ATF7IP: variants seen among roughly 807,000 people sequenced by gnomAD.
ATF7IP encodes activating transcription factor 7 interacting protein.
ATF7IP carries 23 observed loss-of-function variants against 106.4 expected under a neutral mutation model. The ratio of observed to expected loss-of-function variants is 0.22; its 90% CI spans 0.16 to 0.31. The LOEUF is 0.31. Ranked by LOEUF, ATF7IP falls within the 10% of genes least tolerant of loss-of-function variation. The probability of loss-of-function intolerance (pLI) is 1.00; values close to 1 mark genes in which losing one functional copy is unlikely to be tolerated. For missense variants in ATF7IP, 1,334 were observed against 1,524.3 expected (o/e 0.88, Z 2.08); for synonymous variants, 542 against 539.0 (o/e 1.01, Z -0.08).
intron 13 of ATF7IP, among the ~76,000 whole-genome samples, chr12:14,484,495 A>G (rs1444012945): frequency 2.6e-5 from 4 of 152,242 alleles, no homozygotes; most frequent in South Asian, 4.1e-4. Context: ...GTGCACAACT[A>G]GGTGTGCTGC....
chr12:14,444,691 T>G (rs1448952672), intron 5 of ATF7IP, among the ~76,000 whole-genome samples: 1 of 152,198 alleles, frequency 6.6e-6, no homozygotes, highest in Non-Finnish European at 1.5e-5. Context: ...CAGAAAACTA[T>G]AAATCAGTGT....
intron 6 of ATF7IP, among the ~76,000 whole-genome samples, chr12:14,449,831 AGG>A (rs1386170581): frequency 7.9e-5 from 12 of 152,016 alleles, no homozygotes; most frequent in African/African-American, 2.9e-4. Flanking sequence ...CCATAAACAC[AGG>A]ATGTCTTTTC....
chr12:14,460,828 A>G lies in ATF7IP; in HGVS notation c.2492A>G (p.Asn831Ser), dbSNP rs1353204091. 6.2e-7 allele frequency: 1 copy of G among 1,614,194 alleles called. No individual in the cohort carries two copies. The highest frequency in any genetic ancestry group is 1.1e-5 in the South Asian group (1 of 91,080). ...SPPTVSGLTK[N>S]PVSLPSLPNP... ...CCTACAGTGAGTGGTCTTACCAAAAATCCAGTATCCTTGCCATCCTTGCCA... is the reference window on the plus strand; with the variant it reads ...CCTACAGTGAGTGGTCTTACCAAAAGTCCAGTATCCTTGCCATCCTTGCCA... Residue 831 changes from asparagine (N) to serine (S), a missense_variant, in exon 9 of 15, where the codon AAT (asparagine) becomes AGT (serine). Physicochemically the swap from Asn to Ser is conservative, Grantham distance 46. Transcript: ENST00000261168.
chr12:14,408,507 A>G (rs1487357366), intron 1 of ATF7IP: 1 of 152,168 alleles, frequency 6.6e-6, no homozygotes, highest in Admixed American at 6.5e-5. Context: ...GTTGCTGTGA[A>G]AGAACTGATA....
chr12:14,387,742 G>A (rs1488614541), intron 1 of ATF7IP, among the ~76,000 whole-genome samples: 5 of 152,138 alleles, frequency 3.3e-5, no homozygotes, highest in Non-Finnish European at 7.4e-5. Context: ...TCTGTTCCAA[G>A]TTCCAGTTAG....
At chr12:14,415,574 A>G (rs1349480015) in intron 1 of ATF7IP, among the ~76,000 whole-genome samples, 2 of 152,096 alleles carry the variant, frequency 1.3e-5, no homozygotes, top group African/African-American at 4.8e-5. Context: ...TGCATTCCAC[A>G]TTTTGGTCGG....
intron 2 of ATF7IP, among the ~76,000 whole-genome samples, chr12:14,431,745 G>A (rs1942152712): frequency 6.6e-6 from 1 of 152,046 alleles, no homozygotes; most frequent in African/African-American, 2.4e-5. Context: ...GGAGTCCCAG[G>A]AACTACCTGA....
chr12:14,464,591 T>G (rs1382295937), intron 9 of ATF7IP, among the ~76,000 whole-genome samples: 1 of 152,218 alleles, frequency 6.6e-6, no homozygotes, highest in Non-Finnish European at 1.5e-5. Context: ...CCAGTTTTGT[T>G]GCTTGATAGA....
intron 6 of ATF7IP, among the ~76,000 whole-genome samples, chr12:14,449,109 G>T (rs953454548): frequency 6.6e-6 from 1 of 151,740 alleles, no homozygotes; most frequent in Non-Finnish European, 1.5e-5. Context: ...CTTTTCTCTC[G>T]ATTGTTTCCT....
At chr12:14,423,810 T>G (rs536444910) in intron 1 of ATF7IP, 99 bp from the exon 2 acceptor site, 3 of 1,275,414 alleles carry the variant, frequency 2.4e-6, no homozygotes, top group Non-Finnish European at 3.2e-6. Context: ...TTACATGAAA[T>G]GTGCTGCTTG....
intron 10 of ATF7IP, 127 bp downstream of exon 10, chr12:14,466,717 C>T: frequency 4.2e-6 from 3 of 716,550 alleles, no homozygotes; most frequent in South Asian, 3.9e-5. Flanking sequence ...CAAACATTGT[C>T]TCACAGCTTC....
chr12:14,381,439 C>T (rs140544371), intron 1 of ATF7IP, among the ~76,000 whole-genome samples: 108 of 152,274 alleles, frequency 7.1e-4, no homozygotes, highest in African/African-American at 2.5e-3. Context: ...CCATGTTGGT[C>T]AGGCTGGTCT....
intron 13 of ATF7IP, among the ~76,000 whole-genome samples, chr12:14,483,347 C>T (rs370831260): frequency 2.6e-5 from 4 of 152,284 alleles, no homozygotes; most frequent in East Asian, 1.9e-4. Flanking sequence ...TCCTTACCTC[C>T]GTTGTGGAGC....
intron 1 of ATF7IP, among the ~76,000 whole-genome samples, chr12:14,367,976 G>C (rs1282873459): frequency 6.6e-6 from 1 of 151,998 alleles, no homozygotes; most frequent in Non-Finnish European, 1.5e-5. Context: ...CCAAGTTACT[G>C]AAGTTATTTA....
At chr12:14,450,377 A>G (rs1391387679) in intron 6 of ATF7IP, among the ~76,000 whole-genome samples, 1 of 152,016 alleles carries the variant, frequency 6.6e-6, no homozygotes, top group East Asian at 1.9e-4. Flanking sequence ...ATTTTTTTCC[A>G]TGAAAGGGTG....
chr12:14,445,114 C>T (rs1024696563), intron 5 of ATF7IP, among the ~76,000 whole-genome samples: 8 of 151,440 alleles, frequency 5.3e-5, no homozygotes, highest in African/African-American at 1.9e-4. Context: ...CCTCAGCCTC[C>T]CGAAGAGCTG....
intron 1 of ATF7IP, among the ~76,000 whole-genome samples, chr12:14,422,355 A>G (rs1380337123): frequency 7.6e-6 from 1 of 132,326 alleles, no homozygotes; most frequent in African/African-American, 2.8e-5. Context: ...ACACACACAC[A>G]CAACCTTTGT....
At chr12:14,420,806 C>G (rs1324800418) in intron 1 of ATF7IP, among the ~76,000 whole-genome samples, 2 of 152,132 alleles carry the variant, frequency 1.3e-5, no homozygotes, top group Admixed American at 6.5e-5. Flanking sequence ...CAACATTGAG[C>G]CCTAACTGTG....
intron 10 of ATF7IP, among the ~76,000 whole-genome samples, chr12:14,467,106 C>G (rs1021617492): frequency 2.6e-5 from 4 of 152,006 alleles, no homozygotes; most frequent in African/African-American, 9.7e-5. Flanking sequence ...TCTTAACCAC[C>G]CGGTAATAGA....
Sources: allele counts gnomAD v4.1 joint callset (sites outside exome capture counted in the v4.1 genomes callset), GRCh38; gene constraint gnomAD v4.1.1; transcripts MANE v1.5; gene names NCBI Gene and HGNC (gene_info 2026-07-23, HGNC 2026-07-21).